PRR27: variants seen among roughly 807,000 people sequenced by gnomAD.
PRR27 encodes the protein proline rich 27.
Under a neutral mutation model 16.8 loss-of-function variants are expected in PRR27, and 12 were observed. That is an observed-to-expected ratio of 0.71 (90% CI 0.46 to 1.16). PRR27 has a LOEUF of 1.16. Ranked by LOEUF, PRR27 falls within the 50% of genes most tolerant of loss-of-function variation. The pLI is 0.00. For missense variants in PRR27, 277 were observed against 273.3 expected, an observed-to-expected ratio of 1.01 and a Z score of -0.10; for synonymous variants, 100 against 98.4, an observed-to-expected ratio of 1.02 and a Z score of -0.10.
rs563797305 is a variant in PRR27 at position 70,154,890 on chromosome 4, C to T, written c.51+464C>T. 138 of 619,804 alleles carry T rather than the reference C, an allele frequency of 2.2e-4. 2 individuals are homozygous for T. Among genetic ancestry groups the T allele is most frequent in the African/African-American group, 2.1e-3 (110 of 52,436 alleles). The allele number at this position is 619,804 out of a possible 1,614,324, so 38.4% of individuals were successfully genotyped here. A position where few individuals can be genotyped will look rare whatever the true frequency, so the allele number is the denominator to read the frequency against. ...ACGTAATATAGTGTAATGCAATGGC[C>T]TTTAGTGTAACATAAGTAGATGAAA... On this transcript the variant is annotated intron_variant, in intron 1 of 4. Transcript: ENST00000344526.
At position 70,158,624 on chromosome 4, in the gene PRR27, C is replaced by T. The variant is rs754812623; in HGVS notation, c.372C>T (p.Pro124=). ...GGTTTTTTTCAGCAGCTGCAGCACC[C>T]GCTGCCCCACCTATTGCAGCTGAGC... ...PSRFFSAAAA[P]AAPPIAAEPA... Residue 124 remains proline, a synonymous_variant, in exon 3 of 5, where the codon CCC becomes CCT. Coordinates refer to ENST00000344526, the MANE Select transcript of PRR27 (RefSeq NM_214711.4). The T allele has an allele frequency of 6.8e-6, 11 of 1,614,006 alleles. No individual in the cohort carries two copies. The highest frequency in any genetic ancestry group is 2.2e-5 in the South Asian group (2 of 91,084).
rs768276649 is a variant in PRR27 at position 70,161,700 on chromosome 4, C to A, written c.*33+70C>A. ...GGTTAAATCTCATAATCTGAAGCTA[C>A]CTTGGAATGTATTATATTTTTTACT... On this transcript the variant is annotated intron_variant, in intron 4 of 4. Coordinates refer to ENST00000344526, the MANE Select transcript of PRR27 (RefSeq NM_214711.4). The A allele has an allele frequency of 7.4e-6, 5 of 672,716 alleles. No individual in the cohort carries two copies. The South Asian group carries it at 1.1e-4, about 15-fold the overall frequency. The allele number at this position is 672,716 out of a possible 1,614,324, so 41.7% of individuals were successfully genotyped here. A position where few individuals can be genotyped will look rare whatever the true frequency, so the allele number is the denominator to read the frequency against.
At chr4:70,161,314 G>C (rs976660118) in intron 3 of PRR27, among the ~76,000 whole-genome samples, 3 of 149,978 alleles carry the variant, frequency 2.0e-5, no homozygotes, top group African/African-American at 7.4e-5. Flanking sequence ...TGATAAGAAG[G>C]GACCTTGAAA....
intron 3 of PRR27, among the ~76,000 whole-genome samples, chr4:70,160,437 C>CTGTGTGTG (rs1413873981): frequency 0.096 from 7,405 of 76,766 alleles, 346 homozygotes; most frequent in Non-Finnish European, 0.13. Context: ...CTCTCTCTCT[C>CTGTGTGTG]TCTCTCTGTG....
At chr4:70,154,545 G>C in intron 1 of PRR27, 119 bp downstream of exon 1, 1 of 907,176 alleles carries the variant, frequency 1.1e-6, no homozygotes, top group Non-Finnish European at 1.8e-6. Flanking sequence ...GAGAGACATA[G>C]ATGGACATGA....
chr4:70,158,958 A>C, intron 3 of PRR27, 58 bp downstream of exon 3: 2 of 899,076 alleles, frequency 2.2e-6, no homozygotes, highest in Admixed American at 3.6e-5. Flanking sequence ...GTAGAAGGGG[A>C]AAAAAAAAAA....
At chr4:70,158,150 C>A (rs1709264) in intron 2 of PRR27, among the ~76,000 whole-genome samples, 178 bp from the exon 3 acceptor site, 5,716 of 152,166 alleles carry the variant, frequency 0.038, 185 homozygotes, top group South Asian at 0.096. Flanking sequence ...ATTCAATTTT[C>A]TTAAGAGATT....
intron 2 of PRR27, among the ~76,000 whole-genome samples, chr4:70,156,703 A>C (rs1728489535): frequency 6.6e-6 from 1 of 152,220 alleles, no homozygotes; most frequent in African/African-American, 2.4e-5. Context: ...ACTTACACCT[A>C]TCCACCAGTA....
At chr4:70,159,890 C>A (rs957722295) in intron 3 of PRR27, among the ~76,000 whole-genome samples, 1 of 152,116 alleles carries the variant, frequency 6.6e-6, no homozygotes, top group Non-Finnish European at 1.5e-5. Context: ...GGATCAAGAA[C>A]TTTTTCCTGC....
At chr4:70,155,018 T>A (rs1272593003) in intron 1 of PRR27, among the ~76,000 whole-genome samples, 1 of 152,142 alleles carries the variant, frequency 6.6e-6, no homozygotes, top group Non-Finnish European at 1.5e-5. Flanking sequence ...ACCTACACCA[T>A]AACATTGTTT....
At position 70,158,887 on chromosome 4, in the gene PRR27, C is replaced by T. The variant is rs1445972974; in HGVS notation, c.635C>T (p.Pro212Leu). Reference sequence around the variant, plus strand: ...GCTGCCCCAGAACCTCACCCTTCTCCCTCTCTTGAACAGGTAGGTTGTTTA... The same window carrying T: ...GCTGCCCCAGAACCTCACCCTTCTCTCTCTCTTGAACAGGTAGGTTGTTTA... ...KPAAPEPHPSPSLEQANQ is the reference protein window; with the variant it reads ...KPAAPEPHPSLSLEQANQ The change falls in exon 3 of 5, where the codon CCC becomes CTC. Residue 212 changes from proline to leucine, a missense_variant. Physicochemically the swap from Pro to Leu is moderately conservative, Grantham distance 98. Coordinates refer to ENST00000344526, the MANE Select transcript of PRR27 (RefSeq NM_214711.4). 6.2e-7 allele frequency: 1 copy of T among 1,613,822 alleles called. No individual in the cohort carries two copies. The highest frequency in any genetic ancestry group is 8.5e-7 in the Non-Finnish European group (1 of 1,179,900).
intron 3 of PRR27, among the ~76,000 whole-genome samples, chr4:70,159,181 C>T (rs1327101183): frequency 1.3e-5 from 2 of 152,172 alleles, no homozygotes; most frequent in Non-Finnish European, 2.9e-5. Context: ...ATTCCCCATC[C>T]TCCCATCCCT....
intron 3 of PRR27, among the ~76,000 whole-genome samples, chr4:70,159,889 AC>A (rs1033788445): frequency 1.3e-5 from 2 of 152,132 alleles, no homozygotes; most frequent in Non-Finnish European, 2.9e-5. Context: ...GGGATCAAGA[AC>A]TTTTTCCTGC....
Position 70,158,621 on chromosome 4 carries a change from A to G in PRR27, c.369A>G (p.Ala123=), listed in dbSNP as rs1560469370. ...PPSRFFSAAA[A]PAAPPIAAEP... is the part of the protein sequence containing the mutation. Reference sequence around the variant, plus strand: ...CAAGGTTTTTTTCAGCAGCTGCAGCACCCGCTGCCCCACCTATTGCAGCTG... The same window carrying G: ...CAAGGTTTTTTTCAGCAGCTGCAGCGCCCGCTGCCCCACCTATTGCAGCTG... The change falls in exon 3 of 5, where the codon GCA becomes GCG. Residue 123 remains alanine, a synonymous_variant. Coordinates refer to ENST00000344526, the MANE Select transcript of PRR27 (RefSeq NM_214711.4). 6.2e-7 allele frequency: 1 copy of G among 1,613,810 alleles called. No individual in the cohort carries two copies. Among genetic ancestry groups the G allele is most frequent in the Non-Finnish European group, 8.5e-7 (1 of 1,179,966 alleles).
At chr4:70,155,453 C>T (rs1345478482) in intron 1 of PRR27, among the ~76,000 whole-genome samples, 1 of 151,914 alleles carries the variant, frequency 6.6e-6, no homozygotes, top group East Asian at 1.9e-4. Context: ...CAAGCTCCGC[C>T]TCTCGGGTTC....
chr4:70,162,123 C>T (rs770024367), intron 4 of PRR27, among the ~76,000 whole-genome samples: 6 of 152,186 alleles, frequency 3.9e-5, no homozygotes, highest in African/African-American at 7.2e-5. Flanking sequence ...CTCAACTGGA[C>T]TCACTGTGTC....
At chr4:70,161,156 GTATATATATA>G (rs371303125) in intron 3 of PRR27, among the ~76,000 whole-genome samples, 21 of 93,910 alleles carry the variant, frequency 2.2e-4, no homozygotes, top group South Asian at 7.5e-4. Context: ...TATGAACACT[GTATATATATA>G]TATATATATA....
intron 3 of PRR27, among the ~76,000 whole-genome samples, chr4:70,160,443 C>CTCTGTGTGTG (rs1298386504): frequency 5.1e-4 from 35 of 68,702 alleles, no homozygotes; most frequent in South Asian, 8.6e-4. Context: ...CTCTCTCTCT[C>CTCTGTGTGTG]TGTGTGTGTG....
At chr4:70,157,966 C>A (rs1415057637) in intron 2 of PRR27, among the ~76,000 whole-genome samples, 1 of 152,106 alleles carries the variant, frequency 6.6e-6, no homozygotes, top group African/African-American at 2.4e-5. Context: ...GTGGGAAAGA[C>A]AATGGAGGGT....
Sources: allele counts gnomAD v4.1 joint callset (sites outside exome capture counted in the v4.1 genomes callset), GRCh38; gene constraint gnomAD v4.1.1; transcripts MANE v1.5; gene names NCBI Gene and HGNC (gene_info 2026-07-23, HGNC 2026-07-21).